The following MYOM2 variants were observed in gnomAD, a reference collection of about 807,000 sequenced individuals.
The protein encoded by MYOM2 is myomesin 2.
A neutral mutation model predicts 187.6 loss-of-function variants in MYOM2; 254 were observed. The observed-to-expected ratio is 1.35, with a 90% CI of 1.22 to 1.50. The LOEUF is 1.50. Among genes scored for constraint, MYOM2 ranks in the 40% most tolerant of loss-of-function variants. The pLI, the probability that MYOM2 is intolerant of heterozygous loss-of-function variation, is 0.00. For missense variants in MYOM2, 2,796 were observed against 1,924.0 expected, an observed-to-expected ratio of 1.45 and a Z score of -8.48; for synonymous variants, 981 against 753.8, an observed-to-expected ratio of 1.30 and a Z score of -4.94.
chr8:2,048,628 C>T (rs959806797), intron 1 of MYOM2, among the ~76,000 whole-genome samples: 2 of 152,128 alleles, frequency 1.3e-5, no homozygotes, highest in African/African-American at 4.8e-5. Flanking sequence ...TAGAAGCTAC[C>T]CCAGGCCTCA....
chr8:2,046,115 C>T (rs1022433803), intron 1 of MYOM2, among the ~76,000 whole-genome samples: 18 of 152,198 alleles, frequency 1.2e-4, no homozygotes, highest in Admixed American at 2.0e-4. Context: ...CCTTTCCCCT[C>T]TAGAAAGCTT....
intron 6 of MYOM2, among the ~76,000 whole-genome samples, chr8:2,068,905 G>A (rs1819117803): frequency 1.3e-5 from 2 of 152,230 alleles, no homozygotes; most frequent in Admixed American, 1.3e-4. Flanking sequence ...GCTGGAGCTT[G>A]AGGTCACGGG....
At chr8:2,055,873 T>G (rs1051429541) in intron 3 of MYOM2, among the ~76,000 whole-genome samples, 1 of 152,106 alleles carries the variant, frequency 6.6e-6, no homozygotes. Flanking sequence ...ACCGGGACTT[T>G]CTGTGCGATG....
rs1165552214 is a variant in MYOM2 at position 2,086,258 on chromosome 8, C to T, written c.1644+868C>T. Among the ~76,000 whole-genome samples, 519 of 76,408 alleles carry T rather than the reference C, an allele frequency of 6.8e-3. 2 individuals carry two copies. The highest frequency in any genetic ancestry group is 0.012 in the Non-Finnish European group (350 of 28,574). The allele number at this position is 76,408 out of a possible 152,430, so 50.1% of individuals were successfully genotyped here. A position where few individuals can be genotyped will look rare whatever the true frequency, so the allele number is the denominator to read the frequency against. ...CCACTGTTGTGATCTTTGCGTGGCC[C>T]CACTGTCATGATCTCTGGCACCCCA... is the stretch of plus-strand genomic sequence containing the variant. On this transcript the variant is annotated intron_variant, in intron 14 of 36. Coordinates refer to ENST00000262113, the MANE Select transcript of MYOM2 (RefSeq NM_003970.4).
chr8:2,058,074 G>A (rs1259039807), intron 5 of MYOM2, among the ~76,000 whole-genome samples: 2 of 124,240 alleles, frequency 1.6e-5, no homozygotes, highest in African/African-American at 3.0e-5. Flanking sequence ...GCTGGAGTGT[G>A]ATGGTGTGAT....
intron 31 of MYOM2, among the ~76,000 whole-genome samples, chr8:2,126,797 GCAC>G (rs1797659290): frequency 1.8e-5 from 1 of 56,718 alleles, no homozygotes; most frequent in South Asian, 4.6e-4. Context: ...GGCTGGGGGA[GCAC>G]TGGGGGAGGC....
rs1554546494 is a variant in MYOM2 at position 2,085,542 on chromosome 8, G to GCC, written c.1644+155_1644+156dup. ...CCCCCACTGTTGTGATCTCTGCGTG[G>GCC]CCCCACTGTCATGATCTCTGCGTGG... On this transcript the variant is annotated intron_variant, in intron 14 of 36. Coordinates refer to ENST00000262113, the MANE Select transcript of MYOM2 (RefSeq NM_003970.4). 4.4e-3 allele frequency: 1,412 copies of GCC among 317,854 alleles called. 84 individuals are homozygous for GCC. Among genetic ancestry groups the GCC allele is most frequent in the Middle Eastern group, 6.8e-3 (8 of 1,184 alleles). 19.7% of individuals were successfully genotyped at this position (317,854 alleles called of 1,614,324 possible).
intron 3 of MYOM2, among the ~76,000 whole-genome samples, chr8:2,056,195 C>T (rs1281275042): frequency 6.6e-6 from 1 of 152,090 alleles, no homozygotes; most frequent in Non-Finnish European, 1.5e-5. Flanking sequence ...GTTCAAGACA[C>T]AGGGGAGAGG....
intron 1 of MYOM2, among the ~76,000 whole-genome samples, chr8:2,047,359 C>A (rs79319402): frequency 5.9e-5 from 9 of 152,106 alleles, no homozygotes; most frequent in African/African-American, 2.2e-4. Context: ...GAAGAGATTG[C>A]GGAGGGGACA....
chr8:2,060,010 G>T (rs1487403983), intron 6 of MYOM2, among the ~76,000 whole-genome samples: 4 of 152,152 alleles, frequency 2.6e-5, no homozygotes, highest in Admixed American at 2.0e-4. Context: ...CCAAAGTGCT[G>T]GGATTATAGG....
At chr8:2,100,728 A>T (rs3779839) in intron 19 of MYOM2, 148 bp from the exon 20 acceptor site, 5 of 735,862 alleles carry the variant, frequency 6.8e-6, no homozygotes, top group Non-Finnish European at 1.1e-5. Context: ...TCTGCAAGAG[A>T]GGCTGATAAA....
chr8:2,085,176 G>A (rs918052328), intron 13 of MYOM2, 87 bp from the exon 14 acceptor site: 43 of 1,500,444 alleles, frequency 2.9e-5, no homozygotes, highest in Admixed American at 8.3e-5. Flanking sequence ...CAACACCCAC[G>A]TGGCAGAGTC....
chr8:2,068,262 G>A (rs1380008729), intron 6 of MYOM2, among the ~76,000 whole-genome samples: 1 of 151,322 alleles, frequency 6.6e-6, no homozygotes, highest in African/African-American at 2.4e-5. Flanking sequence ...GCTCTTCAAT[G>A]CCTGTGTGCA....
At position 2,085,537 on chromosome 8, in the gene MYOM2, G is replaced by A. The variant is rs954365335; in HGVS notation, c.1644+147G>A. 416 of 357,292 alleles carry A rather than the reference G, an allele frequency of 1.2e-3. 5 individuals are homozygous for A. Among genetic ancestry groups the A allele is most frequent in the Middle Eastern group, 4.9e-3 (6 of 1,216 alleles). The allele number at this position is 357,292 out of a possible 1,614,324, so 22.1% of individuals were successfully genotyped here. On this transcript the variant is annotated intron_variant, in intron 14 of 36. Transcript: ENST00000262113. ...GTGGCCCCCCACTGTTGTGATCTCTGCGTGGCCCCACTGTCATGATCTCTG... is the reference window on the plus strand; with the variant it reads ...GTGGCCCCCCACTGTTGTGATCTCTACGTGGCCCCACTGTCATGATCTCTG...
Position 2,106,267 on chromosome 8 carries a change from C to T in MYOM2, c.2760C>T (p.Val920=), listed in dbSNP as rs370863967. Residue 920 remains valine, a synonymous_variant, in exon 22 of 37, where the codon GTC becomes GTT. Coordinates refer to ENST00000262113, the MANE Select transcript of MYOM2 (RefSeq NM_003970.4). ...RPGTKEISAG[V]DEQGNIYLGF... is the part of the protein sequence containing the mutation. The stretch of plus-strand genomic sequence containing the variant: ...GCACCAAGGAAATCAGTGCTGGTGT[C>T]GATGAACAAGGCAACATCTATCTGG... 92 of 1,613,978 alleles carry T rather than the reference C, an allele frequency of 5.7e-5. No homozygotes were observed. Among genetic ancestry groups the T allele is most frequent in the Admixed American group, 1.3e-4 (8 of 59,998 alleles).
At chr8:2,057,815 C>T (rs367807868) in intron 5 of MYOM2, 35 bp downstream of exon 5, 2 of 1,597,322 alleles carry the variant, frequency 1.3e-6, no homozygotes, top group African/African-American at 1.3e-5. Flanking sequence ...TGAAGAAGTC[C>T]ATTCTGCGTT....
chr8:2,117,783 C>A, intron 27 of MYOM2, 102 bp from the exon 28 acceptor site: 1 of 696,592 alleles, frequency 1.4e-6, no homozygotes, highest in Non-Finnish European at 2.3e-6. Context: ...ATTATATATA[C>A]ACACCATGCA....
rs765925614 is a variant in MYOM2 at position 2,092,404 on chromosome 8, G to C, written c.1887G>C (p.Val629=). 3 of 1,614,120 alleles carry C rather than the reference G, an allele frequency of 1.9e-6. No individual in the cohort carries two copies. Among genetic ancestry groups the C allele is most frequent in the Non-Finnish European group, 2.5e-6 (3 of 1,180,016 alleles). Residue 629 remains valine (V), a synonymous_variant, in exon 16 of 37, where the codon GTG becomes GTC. Transcript: ENST00000262113. ...CCCGAAACACCAAGACGTCGGTGGT[G>C]GTGCAGTGGGACCGACCTAAGCATG... ...LASRNTKTSV[V]VQWDRPKHEE... is the part of the protein sequence containing the mutation.
chr8:2,056,300 C>T (rs1818661322), intron 3 of MYOM2, among the ~76,000 whole-genome samples: 1 of 152,098 alleles, frequency 6.6e-6, no homozygotes, highest in South Asian at 2.1e-4. Context: ...AGATGTTTCT[C>T]ACGAGTGGGA....
Sources: allele counts gnomAD v4.1 joint callset (sites outside exome capture counted in the v4.1 genomes callset), GRCh38; gene constraint gnomAD v4.1.1; transcripts MANE v1.5; gene names NCBI Gene and HGNC (gene_info 2026-07-23, HGNC 2026-07-21).